Variants in TPTE2 observed in about 807,000 individuals in gnomAD.
The protein encoded by TPTE2 is transmembrane phosphoinositide 3-phosphatase and tensin homolog 2, also known as phosphatidylinositol 3,4,5-trisphosphate 3-phosphatase TPTE2.
TPTE2 carries 53 observed loss-of-function variants against 78.6 expected under a neutral mutation model. That is an observed-to-expected ratio of 0.67 (90% CI 0.54 to 0.85). The LOEUF (loss-of-function observed/expected upper bound fraction) is 0.85. TPTE2 is among the 40% of genes least tolerant of loss of function. The pLI is 0.00. For synonymous variants in TPTE2, 175 were observed against 206.2 expected, an observed-to-expected ratio of 0.85 and a Z score of 1.30; for missense variants, 461 against 623.0, an observed-to-expected ratio of 0.74 and a Z score of 2.77.
At chr13:19,503,089 T>C in intron 1 of TPTE2, 135 bp downstream of exon 4, 1 of 1,237,774 alleles carries the variant, frequency 8.1e-7, no homozygotes. Flanking sequence ...GGTTAGTGGA[T>C]GTGTTTGGGA....
chr13:19,485,519 G>A (rs1880615792), intron 3 of TPTE2, among the ~76,000 whole-genome samples: 1 of 152,008 alleles, frequency 6.6e-6, no homozygotes. Flanking sequence ...TATAATGTCT[G>A]GGTTGAATGT....
intron 4 of TPTE2, among the ~76,000 whole-genome samples, chr13:19,480,877 A>G (rs966148975): frequency 9.9e-5 from 15 of 152,264 alleles, no homozygotes; most frequent in Non-Finnish European, 2.1e-4. Context: ...AACAATATAG[A>G]CATTTAGCCT....
chr13:19,540,928 C>T (rs1566083366), upstream of TPTE2, among the ~76,000 whole-genome samples: 2 of 152,214 alleles, frequency 1.3e-5, no homozygotes, highest in African/African-American at 4.8e-5. Context: ...AATAACCTCA[C>T]ACTTAGTGGC....
intron 13 of TPTE2, 47 bp from the exon 17 acceptor site, chr13:19,438,200 T>C (rs375351563): frequency 2.4e-5 from 38 of 1,583,360 alleles, no homozygotes; most frequent in Non-Finnish European, 3.3e-5. Flanking sequence ...GGTATAAAAA[T>C]ACACTCAGAA....
At chr13:19,435,463 C>G (rs967959235) in intron 15 of TPTE2, among the ~76,000 whole-genome samples, 1 of 151,906 alleles carries the variant, frequency 6.6e-6, no homozygotes, top group Non-Finnish European at 1.5e-5. Context: ...TGGGAAAGAA[C>G]GGATGAAACG....
At chr13:19,497,616 A>C (rs1281420811) in intron 1 of TPTE2, among the ~76,000 whole-genome samples, 3 of 117,242 alleles carry the variant, frequency 2.6e-5, no homozygotes, top group East Asian at 2.7e-4. Flanking sequence ...AAACTAACAA[A>C]CAGAAAGGAC....
At chr13:19,455,171 C>G (rs1181146550) in intron 10 of TPTE2, among the ~76,000 whole-genome samples, 1 of 152,188 alleles carries the variant, frequency 6.6e-6, no homozygotes, top group Non-Finnish European at 1.5e-5. Flanking sequence ...GTGGTTCAGA[C>G]CCTTCTCTTC....
chr13:19,426,293 T>A (rs1251060434), intron 18 of TPTE2, 132 bp downstream of exon 21: 3 of 669,786 alleles, frequency 4.5e-6, no homozygotes, highest in Admixed American at 2.5e-5. Flanking sequence ...TTTAAAAAAA[T>A]TTGTTATAGA....
intron 1 of TPTE2, among the ~76,000 whole-genome samples, chr13:19,531,671 A>C (rs535715624): frequency 6.6e-6 from 1 of 152,084 alleles, no homozygotes; most frequent in African/African-American, 2.4e-5. Flanking sequence ...TCACACCTGT[A>C]ATCCCAGCAC....
At chr13:19,481,328 A>G (rs544658842) in intron 4 of TPTE2, among the ~76,000 whole-genome samples, 2 of 152,296 alleles carry the variant, frequency 1.3e-5, no homozygotes, top group East Asian at 1.9e-4. Context: ...ATTTTTTACA[A>G]TACAATATCC....
the TPTE2 span, among the ~76,000 whole-genome samples, chr13:19,542,874 C>G: frequency 2.6e-5 from 4 of 151,794 alleles, no homozygotes; most frequent in Non-Finnish European, 4.4e-5. Context: ...GCCTATGGTC[C>G]CAGCTACATG....
intron 6 of TPTE2, among the ~76,000 whole-genome samples, chr13:19,471,492 TA>T (rs2137582762): frequency 6.6e-6 from 1 of 152,342 alleles, no homozygotes; most frequent in East Asian, 1.9e-4. Flanking sequence ...TACTATCTTA[TA>T]ATCCATTATT....
At chr13:19,521,494 T>C (rs1870150359) in intron 1 of TPTE2, among the ~76,000 whole-genome samples, 1 of 152,058 alleles carries the variant, frequency 6.6e-6, no homozygotes, top group Admixed American at 6.5e-5. Flanking sequence ...ATAGACAGCA[T>C]AGAGTAGGAT....
rs1457553119 is a variant in TPTE2 at position 19,535,003 on chromosome 13, AG to A, written c.-44+1592del. 6.6e-6 allele frequency among the ~76,000 whole-genome samples: 1 copy of A among 152,116 alleles called. No homozygotes were observed. The highest frequency in any genetic ancestry group is 1.5e-5 in the Non-Finnish European group (1 of 68,036). On this transcript the variant is annotated intron_variant, in intron 1 of 17. Transcript: ENST00000390680. The surrounding 1 kb of genome is among the most constrained non-coding windows in gnomAD (Gnocchi z 5.1). ...GTTATCACTTGAGGTCAGGAGTTCGAGACCAGCCTGGCCAACATCGTGAAGC... is the reference window on the plus strand; with the variant it reads ...GTTATCACTTGAGGTCAGGAGTTCGAACCAGCCTGGCCAACATCGTGAAGC...
the TPTE2 span, among the ~76,000 whole-genome samples, chr13:19,544,079 A>AAAAAAAAAAAAC: frequency 6.7e-6 from 1 of 149,604 alleles, no homozygotes; most frequent in Non-Finnish European, 1.5e-5. Context: ...AAAAAAAAAA[A>AAAAAAAAAAAAC]AAAGCCAAGA....
chr13:19,425,950 T>C, intron 18 of TPTE2: 2 of 448,036 alleles, frequency 4.5e-6, no homozygotes, highest in Admixed American at 2.8e-5. Flanking sequence ...TCCCAGCTAC[T>C]CGGGAGGCTG....
chr13:19,556,409 A>AT, the TPTE2 span, among the ~76,000 whole-genome samples: 1 of 152,194 alleles, frequency 6.6e-6, no homozygotes, highest in South Asian at 2.1e-4. Flanking sequence ...CATGAATGAG[A>AT]TATAGCCCCT....
chr13:19,460,339 A>T (rs934666670), intron 10 of TPTE2, among the ~76,000 whole-genome samples: 1 of 152,194 alleles, frequency 6.6e-6, no homozygotes, highest in African/African-American at 2.4e-5. Flanking sequence ...CGGCTGGGCC[A>T]TCGCACCCTC....
chr13:19,479,929 T>C (rs1475538212), intron 4 of TPTE2, among the ~76,000 whole-genome samples: 1 of 147,612 alleles, frequency 6.8e-6, no homozygotes, highest in East Asian at 2.0e-4. Flanking sequence ...GTCACTGCAC[T>C]CCAGCCTGGT....
Sources: allele counts gnomAD v4.1 joint callset (sites outside exome capture counted in the v4.1 genomes callset), GRCh38; gene constraint gnomAD v4.1.1; non-coding constraint Gnocchi (gnomAD v3.1); transcripts MANE v1.5; gene names NCBI Gene and HGNC (gene_info 2026-07-23, HGNC 2026-07-21).